BRAF: variants seen among roughly 807,000 people sequenced by gnomAD.
The protein encoded by BRAF is serine/threonine-protein kinase B-raf.
Under a neutral mutation model 104.6 loss-of-function variants are expected in BRAF, and 16 were observed. That is an observed-to-expected ratio of 0.15 (90% CI 0.10 to 0.23). The LOEUF is 0.23. Among genes scored for constraint, BRAF ranks in the 10% least tolerant of loss-of-function variants. The pLI is 1.00. For missense variants in BRAF, 541 were observed against 937.3 expected (o/e 0.58, Z 5.52); for synonymous variants, 310 against 341.6 (o/e 0.91, Z 1.02).
chr7:140,814,949 A>G lies in BRAF; in HGVS notation c.505-5954T>C, dbSNP rs527654471. 1.1e-4 allele frequency among the ~76,000 whole-genome samples: 16 copies of G among 151,360 alleles called. No individual in the cohort carries two copies. The South Asian group carries it at 1.5e-3, about 14-fold the overall frequency. On this transcript the variant is annotated intron_variant, in intron 3 of 19. Coordinates refer to ENST00000644969, the MANE Select transcript of BRAF (RefSeq NM_001374258.1). ...CTTTGAGATAGTACATTAATTTGGT[A>G]GTTTGTTTTACAGTGCAGACGATTA...
rs1365195721 is a variant in BRAF, at chr7:140,883,748, AT to A, written c.139-33537del. On this transcript the variant is annotated intron_variant, in intron 1 of 19. Coordinates refer to ENST00000644969, the MANE Select transcript of BRAF (RefSeq NM_001374258.1). ...CTCACTAACTGAAACTAACCCCAGT[AT>A]GTATGTGCTGTGTATATAAAATAAA... 4.6e-5 allele frequency among the ~76,000 whole-genome samples: 7 copies of A among 152,324 alleles called. No homozygotes were observed. In the East Asian group the frequency reaches 9.6e-4, roughly 21 times the overall value.
chr7:140,815,690 C>T (rs1316747484), intron 3 of BRAF, among the ~76,000 whole-genome samples: 1 of 152,012 alleles, frequency 6.6e-6, no homozygotes, highest in East Asian at 1.9e-4. Flanking sequence ...CCTGCCTCAG[C>T]CTCCCAAAGT....
chr7:140,728,801 T>C (rs1409750944), intron 19 of BRAF, among the ~76,000 whole-genome samples: 1 of 152,016 alleles, frequency 6.6e-6, no homozygotes. Flanking sequence ...AGGAAGTCAA[T>C]GTAAAAATAA....
intron 1 of BRAF, among the ~76,000 whole-genome samples, chr7:140,914,559 G>T (rs948376199): frequency 6.6e-6 from 1 of 152,102 alleles, no homozygotes; most frequent in Admixed American, 6.5e-5. Context: ...ATATATTAAT[G>T]TGTGTAAAAC....
intron 1 of BRAF, among the ~76,000 whole-genome samples, chr7:140,912,045 C>T (rs9648715): frequency 0.3 from 45,645 of 152,068 alleles, 10,949 homozygotes; most frequent in African/African-American, 0.67. Context: ...CCTGGCTACT[C>T]GGGAAGCTGA....
At chr7:140,814,852 T>C (rs1804695301) in intron 3 of BRAF, among the ~76,000 whole-genome samples, 1 of 145,968 alleles carries the variant, frequency 6.9e-6, no homozygotes, top group African/African-American at 2.5e-5. Flanking sequence ...AAAGTTTCCA[T>C]AGTAAAAAGT....
rs373442098 is a variant in BRAF at position 140,734,774 on chromosome 7, C to CAAAAAAAAAAAAAAAAA, written c.2248-5_2248-4insTTTTTTTTTTTTTTTTT. 2.6e-6 allele frequency: 2 copies of CAAAAAAAAAAAAAAAAA among 773,824 alleles called. No individual in the cohort carries two copies. Among genetic ancestry groups the CAAAAAAAAAAAAAAAAA allele is most frequent in the African/African-American group, 4.6e-5 (1 of 21,564 alleles). The allele number at this position is 773,824 out of a possible 1,614,324, so 47.9% of individuals were successfully genotyped here. A position where few individuals can be genotyped will look rare whatever the true frequency, so the allele number is the denominator to read the frequency against. On this transcript the variant is annotated splice_region_variant and splice_polypyrimidine_tract_variant and intron_variant, in intron 18 of 19. Transcript: ENST00000644969. ...GCAGCTCAATAGAGGCGAGAATCTA[C>CAAAAAAAAAAAAAAAAA]AAAAAAAAAAAGAAAAAAAAAAGAA...
chr7:140,911,143 TAGAC>T (rs201986791), intron 1 of BRAF, among the ~76,000 whole-genome samples: 1,762 of 152,304 alleles, frequency 0.012, 22 homozygotes, highest in Non-Finnish European at 0.019. Flanking sequence ...ATTTAAGTAT[TAGAC>T]AGTATTATTG....
At chr7:140,824,332 T>TA (rs1805779979) in intron 3 of BRAF, 1 of 152,188 alleles carries the variant, frequency 6.6e-6, no homozygotes, top group Non-Finnish European at 1.5e-5. Flanking sequence ...GTACATGGTA[T>TA]AAGGGAAGGG....
intron 17 of BRAF, among the ~76,000 whole-genome samples, chr7:140,747,974 C>T (rs1797487275): frequency 6.6e-6 from 1 of 152,180 alleles, no homozygotes; most frequent in African/African-American, 2.4e-5. Flanking sequence ...ACTCAACATT[C>T]TAAAGCTATG....
At chr7:140,798,688 C>A (rs989616292) in intron 7 of BRAF, among the ~76,000 whole-genome samples, 1 of 150,754 alleles carries the variant, frequency 6.6e-6, no homozygotes, top group African/African-American at 2.4e-5. Flanking sequence ...GGTGCAGTGT[C>A]TCACGCCTGT....
Position 140,740,002 on chromosome 7 carries a change from T to C in BRAF, c.2113-56A>G, listed in dbSNP as rs999291320. 1.0e-5 allele frequency: 16 copies of C among 1,533,738 alleles called. No individual in the cohort carries two copies. The African/African-American group carries it at 1.8e-4, about 17-fold the overall frequency. ...AACCTTGTAGATAAGTTGAAAAATATACTTCACACTCATTGAAAACACAAT... is the reference window on the plus strand; with the variant it reads ...AACCTTGTAGATAAGTTGAAAAATACACTTCACACTCATTGAAAACACAAT... On this transcript the variant is annotated intron_variant, in intron 17 of 19. Coordinates refer to ENST00000644969, the MANE Select transcript of BRAF (RefSeq NM_001374258.1).
chr7:140,713,354 ATTCAT>A, the BRAF span, among the ~76,000 whole-genome samples: 2 of 151,916 alleles, frequency 1.3e-5, no homozygotes, highest in African/African-American at 2.4e-5. Context: ...GCTTCATTTC[ATTCAT>A]TTCATCTTCC....
At chr7:140,904,790 G>A (rs1001899592) in intron 1 of BRAF, among the ~76,000 whole-genome samples, 1 of 152,070 alleles carries the variant, frequency 6.6e-6, no homozygotes, top group African/African-American at 2.4e-5. Context: ...TATATTTTTA[G>A]TAGAGACGGG....
At chr7:140,879,568 A>G (rs1305260307) in intron 1 of BRAF, among the ~76,000 whole-genome samples, 1 of 151,444 alleles carries the variant, frequency 6.6e-6, no homozygotes, top group East Asian at 1.9e-4. Flanking sequence ...AAAAAAAAAA[A>G]AAGCACATAT....
downstream of BRAF, among the ~76,000 whole-genome samples, chr7:140,718,906 C>A (rs1056685249): frequency 3.3e-5 from 5 of 152,064 alleles, no homozygotes; most frequent in Admixed American, 6.5e-5. Flanking sequence ...TGTTAGCGTG[C>A]GTGTGCTGTG....
chr7:140,768,635 A>C (rs937964664), intron 14 of BRAF, among the ~76,000 whole-genome samples: 2 of 152,258 alleles, frequency 1.3e-5, no homozygotes, highest in East Asian at 3.9e-4. Context: ...CTGGGGCTAC[A>C]GGAGTGTGCT....
At chr7:140,885,330 T>G (rs1379251888) in intron 1 of BRAF, among the ~76,000 whole-genome samples, 2 of 152,068 alleles carry the variant, frequency 1.3e-5, no homozygotes, top group Non-Finnish European at 2.9e-5. Flanking sequence ...AAAAAAATTT[T>G]TTTTTTGCCA....
chr7:140,775,720 G>A (rs915345800), intron 14 of BRAF, among the ~76,000 whole-genome samples: 4 of 152,204 alleles, frequency 2.6e-5, no homozygotes, highest in African/African-American at 9.6e-5. Flanking sequence ...ATTGTTTCAA[G>A]TCTAGGGGTA....
Sources: allele counts gnomAD v4.1 joint callset (sites outside exome capture counted in the v4.1 genomes callset), GRCh38; gene constraint gnomAD v4.1.1; transcripts MANE v1.5; gene names NCBI Gene and HGNC (gene_info 2026-07-23, HGNC 2026-07-21).